Variants in TAF1D observed in about 807,000 individuals in gnomAD.
TAF1D encodes the protein TATA box-binding protein-associated factor RNA polymerase I subunit D.
Under a neutral mutation model 26.2 loss-of-function variants are expected in TAF1D, and 23 were observed. The observed-to-expected ratio is 0.88, with a 90% CI of 0.63 to 1.25. The LOEUF (loss-of-function observed/expected upper bound fraction) is 1.25. Ranked by LOEUF, TAF1D falls within the 50% of genes most tolerant of loss-of-function variation. The pLI is 0.00. For missense variants in TAF1D, 299 were observed against 322.0 expected, an observed-to-expected ratio of 0.93 and a Z score of 0.55; for synonymous variants, 100 against 105.6, an observed-to-expected ratio of 0.95 and a Z score of 0.33.
chr11:93,740,812 G>A (rs1184560913), intron 1 of TAF1D, among the ~76,000 whole-genome samples: 1 of 152,080 alleles, frequency 6.6e-6, no homozygotes, highest in Non-Finnish European at 1.5e-5. Context: ...TAAAAGTAGG[G>A]ATTATCAAAA....
At chr11:93,736,401 A>G in intron 5 of TAF1D, 97 bp from the exon 6 acceptor site, 34 of 1,453,278 alleles carry the variant, frequency 2.3e-5, no homozygotes, top group Non-Finnish European at 3.1e-5. Flanking sequence ...CAGATAACCT[A>G]GAGACTACAT....
downstream of TAF1D, chr11:93,734,965 T>C (rs554440791): frequency 1.1e-4 from 122 of 1,087,902 alleles, no homozygotes; most frequent in African/African-American, 1.8e-3. Flanking sequence ...TTTCTTACTT[T>C]CTTGCCTAGG....
In TAF1D at chr11:93,737,527, T is replaced by C. The variant is rs3765635; in HGVS notation, c.460-288A>G. Among the ~76,000 whole-genome samples the C allele has an allele frequency of 2.6e-5, 4 of 152,214 alleles. No homozygotes were observed. The East Asian group carries it at 7.7e-4, about 29-fold the overall frequency. ...CAGGAATAAGATTTCTAATGTTTAC[T>C]ATAATCACCTTAAACTTAAGAGATT... On this transcript the variant is annotated intron_variant, in intron 3 of 5. Transcript: ENST00000448108.
chr11:93,741,221 C>T (rs1482701730), intron 1 of TAF1D, 101 bp downstream of exon 1: 1 of 426,938 alleles, frequency 2.3e-6, no homozygotes, highest in African/African-American at 2.0e-5. Context: ...ACTTCGGAGT[C>T]TCGATCCTCC....
At chr11:93,730,734 G>GTAAATTTAAAATTTACTTT (rs1449920352), downstream of TAF1D, 1 of 482,608 alleles carries the variant, frequency 2.1e-6, no homozygotes, top group African/African-American at 2.0e-5. Context: ...TAGTATAAAA[G>GTAAATTTAAAATTTACTTT]TAAATTTTAC....
At position 93,737,098 on chromosome 11, in the gene TAF1D, C is replaced by T. The variant is rs746454848; in HGVS notation, c.601G>A (p.Asp201Asn). 6.2e-7 allele frequency: 1 copy of T among 1,608,498 alleles called. No individual in the cohort carries two copies. Residue 201 changes from aspartate (D) to asparagine (N), a missense_variant, in exon 4 of 6, where the codon GAT becomes AAT. By Grantham distance (23) the Asp-to-Asn change is conservative. Coordinates refer to ENST00000448108, the MANE Select transcript of TAF1D (RefSeq NM_024116.4). ...FDSRRYKFLD[D>N]DGSISPIEES... Reference sequence around the variant, plus strand: ...TCAATAGGAGAAATGGATCCATCATCATCCAAAAATTTGTATCTACGACTG... The same window carrying T: ...TCAATAGGAGAAATGGATCCATCATTATCCAAAAATTTGTATCTACGACTG...
Position 93,736,297 on chromosome 11 carries a change from C to T in TAF1D, c.701G>A (p.Ser234Asn). Residue 234 changes from serine to asparagine, a missense_variant, in exon 6 of 6, where the codon AGT becomes AAT. Physicochemically the swap from Ser to Asn is conservative, Grantham distance 46. Coordinates refer to ENST00000448108, the MANE Select transcript of TAF1D (RefSeq NM_024116.4). ...AGGGAATTCAGAACTTACTATGAAACTATCCCCCTGCATAAAACAAACAAA... is the reference window on the plus strand; with the variant it reads ...AGGGAATTCAGAACTTACTATGAAATTATCCCCCTGCATAAAACAAACAAA... ...NECDIKLAGD[S>N]FIVSSEFPVR... The T allele has an allele frequency of 1.2e-6, 2 of 1,604,992 alleles. No individual in the cohort carries two copies. The highest frequency in any genetic ancestry group is 2.2e-5 in the South Asian group (2 of 89,114).
downstream of TAF1D, chr11:93,735,100 T>C (rs1383146208): frequency 2.3e-6 from 3 of 1,332,014 alleles, no homozygotes; most frequent in African/African-American, 1.5e-5. Context: ...ATCAACTGTC[T>C]CAGGTATCAT....
In TAF1D at chr11:93,735,835, T is replaced by A; in HGVS notation, c.*326A>T. ...TGGGTGTCAAGTTACTTTAAGATTT[T>A]CTTTTCAAAATTAAAATCACTACAT... is the stretch of plus-strand genomic sequence containing the variant. On this transcript the variant is annotated 3_prime_UTR_variant, in exon 6 of 6. Coordinates refer to ENST00000448108, the MANE Select transcript of TAF1D (RefSeq NM_024116.4). 2 of 1,077,108 alleles carry A rather than the reference T, an allele frequency of 1.9e-6. No individual in the cohort carries two copies. The highest frequency in any genetic ancestry group is 2.3e-6 in the Non-Finnish European group (2 of 887,958). The allele number at this position is 1,077,108 out of a possible 1,614,324, so 66.7% of individuals were successfully genotyped here. A position where few individuals can be genotyped will look rare whatever the true frequency, so the allele number is the denominator to read the frequency against.
At position 93,741,323 on chromosome 11, in the gene TAF1D, T is replaced by G. The variant is rs1350261016; in HGVS notation, c.-29A>C. 1 of 456,044 alleles carries G rather than the reference T, an allele frequency of 2.2e-6. No individual in the cohort carries two copies. The highest frequency in any genetic ancestry group is 7.0e-5 in the East Asian group (1 of 14,356). The allele number at this position is 456,044 out of a possible 1,614,324, so 28.2% of individuals were successfully genotyped here. On this transcript the variant is annotated splice_region_variant and 5_prime_UTR_variant, in exon 1 of 6. Coordinates refer to ENST00000448108, the MANE Select transcript of TAF1D (RefSeq NM_024116.4). ...GGCCTCGCCCTCTTAGCAACCTACC[T>G]AAAACGGCCTCGCAGTGGCCCCAAC... is the stretch of plus-strand genomic sequence containing the variant.
chr11:93,736,117 A>G lies in TAF1D; in HGVS notation c.*44T>C. The G allele has an allele frequency of 1.2e-6, 2 of 1,609,178 alleles. No individual in the cohort carries two copies. Among genetic ancestry groups the G allele is most frequent in the Non-Finnish European group, 1.7e-6 (2 of 1,178,794 alleles). The stretch of plus-strand genomic sequence containing the variant: ...CATTTATCTTTATTCATTTCTATGA[A>G]GTCGTTTTTTCTATATGCTTCACCT... On this transcript the variant is annotated 3_prime_UTR_variant, in exon 6 of 6. Coordinates refer to ENST00000448108, the MANE Select transcript of TAF1D (RefSeq NM_024116.4).
intron 1 of TAF1D, 58 bp from the exon 2 acceptor site, chr11:93,739,389 A>G: frequency 8.4e-7 from 1 of 1,184,120 alleles, no homozygotes; most frequent in South Asian, 1.4e-5. Context: ...GACAGTATCT[A>G]CTACAGTGTT....
chr11:93,737,384 T>A, intron 3 of TAF1D, 145 bp from the exon 4 acceptor site: 1 of 491,190 alleles, frequency 2.0e-6, no homozygotes, highest in Non-Finnish European at 3.6e-6. Context: ...ACTTATCAAA[T>A]GCTGATTATT....
chr11:93,740,840 T>C (rs2135546294), intron 1 of TAF1D, among the ~76,000 whole-genome samples: 1 of 152,290 alleles, frequency 6.6e-6, no homozygotes. Context: ...AGCTCAATAA[T>C]CACTTTTTCG....
At chr11:93,741,107 T>C (rs528054557) in intron 1 of TAF1D, among the ~76,000 whole-genome samples, 1 of 152,338 alleles carries the variant, frequency 6.6e-6, no homozygotes, top group South Asian at 2.1e-4. Flanking sequence ...CATCTCAAGA[T>C]ATAATGAAGC....
At chr11:93,731,791 TTTAG>T (rs763517609), downstream of TAF1D, 9 of 351,590 alleles carry the variant, frequency 2.6e-5, no homozygotes, top group Non-Finnish European at 5.0e-5. Flanking sequence ...ACCAATTTAC[TTTAG>T]GGTCCTAGAA....
At chr11:93,739,578 T>C (rs1364744981) in intron 1 of TAF1D, among the ~76,000 whole-genome samples, 1 of 152,160 alleles carries the variant, frequency 6.6e-6, no homozygotes, top group African/African-American at 2.4e-5. Context: ...TACCGTCCCT[T>C]CCAACAAAAG....
downstream of TAF1D, chr11:93,730,936 T>C: frequency 2.1e-6 from 1 of 487,076 alleles, no homozygotes; most frequent in South Asian, 1.5e-5. Context: ...AAATCACATG[T>C]GGTTCACATT....
intron 3 of TAF1D, 62 bp from the exon 4 acceptor site, chr11:93,737,301 A>G (rs1449009236): frequency 2.3e-6 from 3 of 1,279,400 alleles, no homozygotes; most frequent in Non-Finnish European, 3.2e-6. Flanking sequence ...GCAGGTGCCT[A>G]TGTTCAAAAA....
Sources: gnomAD v4.1 joint callset for allele counts (sites outside exome capture counted in the v4.1 genomes callset) on GRCh38, gnomAD v4.1.1 for gene constraint, MANE v1.5 for transcripts, NCBI Gene and HGNC (gene_info 2026-07-23, HGNC 2026-07-21) for gene names.